FILIP1: variants seen among roughly 807,000 people sequenced by gnomAD.
FILIP1 encodes filamin-A-interacting protein 1.
FILIP1 carries 61 observed loss-of-function variants against 102.1 expected under a neutral mutation model. The observed-to-expected ratio is 0.60, with a 90% CI of 0.49 to 0.74. The LOEUF (loss-of-function observed/expected upper bound fraction) is 0.74, where lower values mean the gene tolerates loss of function less well. FILIP1 is among the 30% of genes least tolerant of loss of function. The probability of loss-of-function intolerance (pLI) is 0.00; values close to 1 mark genes in which losing one functional copy is unlikely to be tolerated. For missense variants in FILIP1, 1,314 were observed against 1,441.2 expected (o/e 0.91, Z 1.43); for synonymous variants, 491 against 526.9 (o/e 0.93, Z 0.93).
chr6:75,436,900 C>G (rs1408641736), intron 1 of FILIP1, among the ~76,000 whole-genome samples: 3 of 152,156 alleles, frequency 2.0e-5, no homozygotes, highest in African/African-American at 7.2e-5. Context: ...CCATCATGGT[C>G]AATTTCAAGC....
At chr6:75,468,907 GA>G (rs1191329721) in intron 1 of FILIP1, among the ~76,000 whole-genome samples, 2 of 151,456 alleles carry the variant, frequency 1.3e-5, no homozygotes, top group African/African-American at 2.4e-5. Context: ...AAAGGAGCAA[GA>G]AAAAAAAGTT....
chr6:75,452,049 G>C (rs1482190822), intron 1 of FILIP1, among the ~76,000 whole-genome samples: 1 of 150,660 alleles, frequency 6.6e-6, no homozygotes, highest in Non-Finnish European at 1.5e-5. Flanking sequence ...TTATCCTTAA[G>C]TTATTATCAG....
At chr6:75,434,264 A>G (rs1301163839) in intron 1 of FILIP1, among the ~76,000 whole-genome samples, 1 of 152,226 alleles carries the variant, frequency 6.6e-6, no homozygotes, top group Non-Finnish European at 1.5e-5. Flanking sequence ...CATAGGATCT[A>G]TAAATTACCT....
chr6:75,429,012 T>A (rs943495325), intron 1 of FILIP1, among the ~76,000 whole-genome samples: 9 of 152,170 alleles, frequency 5.9e-5, no homozygotes, highest in African/African-American at 2.2e-4. Flanking sequence ...TATTACTCAC[T>A]ATTACCTCTT....
At position 75,314,466 on chromosome 6, in the gene FILIP1, G is replaced by T. The variant is rs1338445485; in HGVS notation, c.1366C>A (p.Leu456Met). The T allele has an allele frequency of 5.0e-6, 8 of 1,592,388 alleles. No individual in the cohort carries two copies. Among genetic ancestry groups the T allele is most frequent in the Middle Eastern group, 1.7e-4 (1 of 5,936 alleles). Reference sequence around the variant, plus strand: ...TTGGTTAAGTTCTTTTCTTTCTCCAGATTTAAATGTAGCTGGGTGCACTCA... The same window carrying T: ...TTGGTTAAGTTCTTTTCTTTCTCCATATTTAAATGTAGCTGGGTGCACTCA... ...KSECTQLHLN[L>M]EKEKNLTKDL... is the part of the protein sequence containing the mutation. The change falls in exon 5 of 6, where the codon CTG becomes ATG. Residue 456 changes from leucine to methionine, a missense_variant. Leu to Met is a conservative substitution (Grantham distance 15). This residue lies in a region of FILIP1 where 816 missense variants were observed against 913.1 expected (regional missense o/e 0.89). Transcript: ENST00000237172.
chr6:75,451,320 C>T (rs1013106102), intron 1 of FILIP1, among the ~76,000 whole-genome samples: 2 of 149,088 alleles, frequency 1.3e-5, no homozygotes, highest in Non-Finnish European at 3.0e-5. Context: ...ATATAATAAT[C>T]AAAATATCAG....
intron 4 of FILIP1, among the ~76,000 whole-genome samples, chr6:75,325,292 C>T: frequency 6.6e-6 from 1 of 152,100 alleles, no homozygotes; most frequent in East Asian, 1.9e-4. Flanking sequence ...TGTGGTGGCA[C>T]ACACCTGTAG....
intron 2 of FILIP1, among the ~76,000 whole-genome samples, chr6:75,374,567 C>T (rs1027566676): frequency 2.0e-5 from 3 of 152,114 alleles, no homozygotes; most frequent in African/African-American, 7.2e-5. Flanking sequence ...TTAGTAGAGA[C>T]AGGGTTTCAC....
At chr6:75,472,627 A>C (rs1014430465) in intron 1 of FILIP1, among the ~76,000 whole-genome samples, 2 of 152,160 alleles carry the variant, frequency 1.3e-5, no homozygotes, top group African/African-American at 2.4e-5. Flanking sequence ...CTGATAATTT[A>C]AGGAAAATTA....
intron 2 of FILIP1, among the ~76,000 whole-genome samples, chr6:75,363,324 G>A (rs905064003): frequency 6.6e-6 from 1 of 152,042 alleles, no homozygotes; most frequent in Non-Finnish European, 1.5e-5. Flanking sequence ...TTCAAATCTG[G>A]TTTAAAATAA....
At chr6:75,321,863 G>C (rs556234315) in intron 4 of FILIP1, among the ~76,000 whole-genome samples, 4 of 151,670 alleles carry the variant, frequency 2.6e-5, no homozygotes, top group Non-Finnish European at 4.4e-5. Context: ...GAGAGAAAAA[G>C]GATAGGATGG....
In FILIP1 at chr6:75,315,126, G is replaced by A. The variant is rs373722500; in HGVS notation, c.706C>T (p.Leu236=). 3 of 1,608,634 alleles carry A rather than the reference G, an allele frequency of 1.9e-6. No individual in the cohort carries two copies. The highest frequency in any genetic ancestry group is 2.5e-6 in the Non-Finnish European group (3 of 1,178,528). Residue 236 remains leucine (L), a synonymous_variant, in exon 5 of 6, where the codon CTA becomes TTA. Coordinates refer to ENST00000237172, the MANE Select transcript of FILIP1 (RefSeq NM_015687.5). ...TTGAGTTTAACAAGCTCATCTCTTA[G>A]TTTATTGAGTCGTTTAGCATTTTCC... ...EKENAKRLNK[L]RDELVKLKSF...
chr6:75,469,531 A>G (rs1779271219), intron 1 of FILIP1, among the ~76,000 whole-genome samples: 1 of 152,086 alleles, frequency 6.6e-6, no homozygotes, highest in African/African-American at 2.4e-5. Flanking sequence ...AAAATAAAAA[A>G]GAATGTGCAT....
In FILIP1 at chr6:75,308,518, G is replaced by A; in HGVS notation, c.*173C>T. On this transcript the variant is annotated 3_prime_UTR_variant, in exon 6 of 6. Coordinates refer to ENST00000237172, the MANE Select transcript of FILIP1 (RefSeq NM_015687.5). ...ATAGTTTTGCTAATTTTGTTCCCCA[G>A]CATCAAAACAAATGCACAAAATGGG... 1 of 1,434,992 alleles carries A rather than the reference G, an allele frequency of 7.0e-7. No individual in the cohort carries two copies. Among genetic ancestry groups the A allele is most frequent in the Non-Finnish European group, 9.1e-7 (1 of 1,098,154 alleles). The allele number at this position is 1,434,992 out of a possible 1,614,324, so 88.9% of individuals were successfully genotyped here.
At chr6:75,447,569 G>C (rs1040709192) in intron 1 of FILIP1, among the ~76,000 whole-genome samples, 1 of 152,102 alleles carries the variant, frequency 6.6e-6, no homozygotes, top group Non-Finnish European at 1.5e-5. Flanking sequence ...ATAATCATAG[G>C]ATAGAAAGAT....
At chr6:75,464,611 CTT>C (rs1779112672) in intron 1 of FILIP1, among the ~76,000 whole-genome samples, 1 of 152,192 alleles carries the variant, frequency 6.6e-6, no homozygotes, top group African/African-American at 2.4e-5. Context: ...TGTACAAAGA[CTT>C]TGGTTCATTA....
At chr6:75,417,819 T>C (rs1582474077) in intron 1 of FILIP1, among the ~76,000 whole-genome samples, 2 of 152,324 alleles carry the variant, frequency 1.3e-5, no homozygotes, top group East Asian at 1.9e-4. Flanking sequence ...TAACCCACTA[T>C]ACAGCTTTCC....
chr6:75,363,998 A>G (rs1775249515), intron 2 of FILIP1, among the ~76,000 whole-genome samples: 1 of 152,196 alleles, frequency 6.6e-6, no homozygotes, highest in Non-Finnish European at 1.5e-5. Context: ...AGTATTCATG[A>G]TACGACCATT....
intron 2 of FILIP1, among the ~76,000 whole-genome samples, chr6:75,405,688 T>G (rs1037820495): frequency 1.4e-4 from 22 of 152,182 alleles, no homozygotes; most frequent in Non-Finnish European, 1.5e-4. Context: ...TGGCCCCTGC[T>G]GCTGTGTCGT....
Sources: allele counts gnomAD v4.1 joint callset (sites outside exome capture counted in the v4.1 genomes callset), GRCh38; gene constraint gnomAD v4.1.1; regional missense constraint gnomAD v4.1.1; transcripts MANE v1.5; gene names NCBI Gene and HGNC (gene_info 2026-07-23, HGNC 2026-07-21).